Variants in IL1RAPL1 observed in about 807,000 individuals in gnomAD.
The protein encoded by IL1RAPL1 is interleukin-1 receptor accessory protein-like 1.
IL1RAPL1 carries 3 observed loss-of-function variants against 48.4 expected under a neutral mutation model. The observed-to-expected ratio is 0.06, with a 90% confidence interval of 0.03 to 0.16. The LOEUF is 0.16. Among genes scored for constraint, IL1RAPL1 ranks in the 10% least tolerant of loss-of-function variants. The probability of loss-of-function intolerance (pLI) is 1.00; values close to 1 mark genes in which losing one functional copy is unlikely to be tolerated. For synonymous variants in IL1RAPL1, 185 were observed against 187.7 expected, an observed-to-expected ratio of 0.99 and a Z score of 0.12; for missense variants, 349 against 530.6, an observed-to-expected ratio of 0.66 and a Z score of 3.36.
intron 6 of IL1RAPL1, among the ~76,000 whole-genome samples, chrX:29,673,342 G>A (rs2147101973): frequency 8.9e-6 from 1 of 111,758 alleles, no homozygotes; most frequent in Admixed American, 9.5e-5. Context: ...TTATTGTTTT[G>A]CTGAGTTGTA....
chrX:29,218,499 A>G (rs1188755436), intron 2 of IL1RAPL1, among the ~76,000 whole-genome samples: 6 of 111,840 alleles, frequency 5.4e-5, no homozygotes, highest in Non-Finnish European at 1.1e-4. Flanking sequence ...TGACAATGCA[A>G]CTGATGTTGA....
intron 1 of IL1RAPL1, among the ~76,000 whole-genome samples, chrX:28,595,364 A>G (rs1933943405): frequency 8.9e-6 from 1 of 112,565 alleles, no homozygotes; most frequent in African/African-American, 3.2e-5. Context: ...AATATGCTAA[A>G]GAGGAAAGTT....
intron 2 of IL1RAPL1, among the ~76,000 whole-genome samples, chrX:29,118,377 A>G (rs938507878): frequency 4.8e-4 from 54 of 111,988 alleles, no homozygotes; most frequent in African/African-American, 1.4e-3. Flanking sequence ...AAAGGGACAC[A>G]GAGAAGTTAA....
chrX:29,148,102 C>T (rs1929385456), intron 2 of IL1RAPL1, among the ~76,000 whole-genome samples: 1 of 111,446 alleles, frequency 9.0e-6, no homozygotes, highest in Non-Finnish European at 1.9e-5. Context: ...ATTATATATG[C>T]ATATATTGTA....
In IL1RAPL1 at chrX:29,766,327, C is replaced by CAAA. The variant is rs1220003136; in HGVS notation, c.778+97837_778+97839dup. On this transcript the variant is annotated intron_variant, in intron 6 of 10. Transcript: ENST00000378993. ...TGGGAGACAGAGTGAGACTCCGTCT[C>CAAA]AAAAAAAAAAAAAAAATATATATAT... Among the ~76,000 whole-genome samples, 20 of 25,608 alleles carry CAAA rather than the reference C, an allele frequency of 7.8e-4. 2 individuals carry two copies. The highest frequency in any genetic ancestry group is 3.8e-3 in the African/African-American group (18 of 4,735). The allele number at this position is 25,608 out of a possible 115,157, so 22.2% of individuals were successfully genotyped here. A position where few individuals can be genotyped will look rare whatever the true frequency, so the allele number is the denominator to read the frequency against.
At chrX:28,949,193 T>C (rs1197605000) in intron 2 of IL1RAPL1, among the ~76,000 whole-genome samples, 1 of 111,388 alleles carries the variant, frequency 9.0e-6, no homozygotes, top group Non-Finnish European at 1.9e-5. Context: ...ATTTCAGCTA[T>C]ATTTTGTGTA....
At chrX:29,564,771 A>T (rs758602267) in intron 5 of IL1RAPL1, among the ~76,000 whole-genome samples, 1 of 112,934 alleles carries the variant, frequency 8.9e-6, no homozygotes, top group Non-Finnish European at 1.9e-5. Context: ...TTAATTTCCT[A>T]TTGTTGTTGT....
At chrX:29,616,011 A>G (rs777271583) in intron 5 of IL1RAPL1, among the ~76,000 whole-genome samples, 1 of 111,514 alleles carries the variant, frequency 9.0e-6, no homozygotes, top group African/African-American at 3.3e-5. Flanking sequence ...GGACCCTCCA[A>G]TAAGTGAGGC....
At chrX:29,646,197 A>C (rs760290724) in intron 5 of IL1RAPL1, among the ~76,000 whole-genome samples, 1 of 112,226 alleles carries the variant, frequency 8.9e-6, no homozygotes, top group South Asian at 3.7e-4. Context: ...GAAATAATAA[A>C]TTTCAAGGAG....
intron 5 of IL1RAPL1, among the ~76,000 whole-genome samples, chrX:29,526,272 C>T (rs921326287): frequency 9.0e-6 from 1 of 111,445 alleles, no homozygotes; most frequent in Non-Finnish European, 1.9e-5. Context: ...TACACTCCAA[C>T]ACCACATTAT....
intron 2 of IL1RAPL1, among the ~76,000 whole-genome samples, chrX:29,158,940 CT>C (rs1569248662): frequency 1.6e-3 from 98 of 59,541 alleles, no homozygotes; most frequent in Middle Eastern, 7.6e-3. Flanking sequence ...CTCCCCCCCC[CT>C]CCCTCCCTCT....
intron 2 of IL1RAPL1, among the ~76,000 whole-genome samples, chrX:29,056,815 A>G (rs1288000582): frequency 8.9e-6 from 1 of 111,934 alleles, no homozygotes; most frequent in East Asian, 2.8e-4. Context: ...ACCATTCTGA[A>G]GCTTAAAAAT....
intron 9 of IL1RAPL1, among the ~76,000 whole-genome samples, chrX:29,946,694 G>A (rs1159878194): frequency 3.6e-5 from 4 of 112,050 alleles, no homozygotes. Flanking sequence ...CAGAAACCTT[G>A]CAAGAAATTT....
intron 5 of IL1RAPL1, among the ~76,000 whole-genome samples, chrX:29,447,158 A>G (rs1457945781): frequency 9.0e-6 from 1 of 110,866 alleles, no homozygotes; most frequent in African/African-American, 3.3e-5. Context: ...TAGAGTGCCC[A>G]TTAGTATACA....
At chrX:29,199,009 A>C (rs1242704482) in intron 2 of IL1RAPL1, among the ~76,000 whole-genome samples, 1 of 111,869 alleles carries the variant, frequency 8.9e-6, no homozygotes, top group Non-Finnish European at 1.9e-5. Context: ...GGAAAAAAGC[A>C]ACTTTACAAA....
At chrX:28,831,018 CTCTCTCTCTGTG>C (rs1921031914) in intron 2 of IL1RAPL1, among the ~76,000 whole-genome samples, 2 of 65,595 alleles carry the variant, frequency 3.0e-5, no homozygotes, top group Admixed American at 2.0e-4. Flanking sequence ...CTCTCTCTCT[CTCTCTCTCTGTG>C]TGTGTGTGTG....
chrX:29,153,305 C>T (rs1373321423), intron 2 of IL1RAPL1, among the ~76,000 whole-genome samples: 1 of 111,625 alleles, frequency 9.0e-6, no homozygotes, highest in Non-Finnish European at 1.9e-5. Flanking sequence ...ATTATATCTG[C>T]TACGTTAACT....
chrX:29,152,162 G>A (rs759703277), intron 2 of IL1RAPL1, among the ~76,000 whole-genome samples: 3 of 111,073 alleles, frequency 2.7e-5, no homozygotes, highest in African/African-American at 9.8e-5. Context: ...CCTTTATAAA[G>A]CCACCAGATC....
At chrX:28,854,289 T>G (rs935835042) in intron 2 of IL1RAPL1, among the ~76,000 whole-genome samples, 1 of 111,180 alleles carries the variant, frequency 9.0e-6, no homozygotes, top group Non-Finnish European at 1.9e-5. Context: ...GCAATAGGGA[T>G]GGGGAATGAG....
Sources: gnomAD v4.1 joint callset for allele counts (sites outside exome capture counted in the v4.1 genomes callset) on GRCh38, gnomAD v4.1.1 for gene constraint, MANE v1.5 for transcripts, NCBI Gene and HGNC (gene_info 2026-07-23, HGNC 2026-07-21) for gene names.